Variants in GPC5 observed in about 807,000 individuals in gnomAD.
GPC5 encodes the protein glypican-5.
In GPC5, 47 loss-of-function variants were observed where a neutral mutation model predicts 53.9. That is an observed-to-expected ratio of 0.87 (90% CI 0.69 to 1.11). The LOEUF (loss-of-function observed/expected upper bound fraction) is 1.11. Among genes scored for constraint, GPC5 ranks in the 50% most tolerant of loss-of-function variants. The pLI is 0.00. For missense variants in GPC5, 748 were observed against 713.1 expected, an observed-to-expected ratio of 1.05 and a Z score of -0.56; for synonymous variants, 286 against 263.3, an observed-to-expected ratio of 1.09 and a Z score of -0.84.
At chr13:91,807,489 C>T (rs1331585430) in intron 5 of GPC5, among the ~76,000 whole-genome samples, 1 of 152,144 alleles carries the variant, frequency 6.6e-6, no homozygotes, top group Non-Finnish European at 1.5e-5. Context: ...AATAAGGCAA[C>T]ATTGTCCTTT....
chr13:92,546,230 G>C (rs547827448), intron 7 of GPC5, among the ~76,000 whole-genome samples: 1 of 152,066 alleles, frequency 6.6e-6, no homozygotes, highest in African/African-American at 2.4e-5. Flanking sequence ...CAAATTGTCC[G>C]CATTTGCAGA....
At chr13:92,214,064 A>G (rs2042393413) in intron 7 of GPC5, among the ~76,000 whole-genome samples, 1 of 152,192 alleles carries the variant, frequency 6.6e-6, no homozygotes, top group Admixed American at 6.5e-5. Context: ...AGAAAATCAT[A>G]CATGATTAGA....
intron 7 of GPC5, among the ~76,000 whole-genome samples, chr13:92,667,793 G>A (rs1338192906): frequency 1.3e-5 from 2 of 152,126 alleles, no homozygotes; most frequent in African/African-American, 2.4e-5. Context: ...TTCATGTGTT[G>A]AGCAGGATAT....
intron 2 of GPC5, among the ~76,000 whole-genome samples, chr13:91,623,377 C>T (rs2033914305): frequency 6.6e-6 from 1 of 152,020 alleles, no homozygotes; most frequent in African/African-American, 2.4e-5. Context: ...AGCATGAGAC[C>T]TTCTCGAGAC....
chr13:91,702,801 TC>T (rs1331873344), intron 3 of GPC5, among the ~76,000 whole-genome samples: 17 of 152,068 alleles, frequency 1.1e-4, no homozygotes, highest in African/African-American at 4.1e-4. Context: ...TTCATCCTCT[TC>T]AATTTTTCAT....
intron 6 of GPC5, among the ~76,000 whole-genome samples, chr13:92,033,068 T>TGTGTGC (rs1178119049): frequency 6.6e-6 from 1 of 151,812 alleles, no homozygotes; most frequent in East Asian, 1.9e-4. Context: ...TGTGTGTGTG[T>TGTGTGC]GTGTGTGCTT....
At chr13:92,665,894 T>G (rs1886550504) in intron 7 of GPC5, among the ~76,000 whole-genome samples, 1 of 152,202 alleles carries the variant, frequency 6.6e-6, no homozygotes, top group Non-Finnish European at 1.5e-5. Context: ...ATGGTATAAA[T>G]GAAATATTAG....
intron 2 of GPC5, among the ~76,000 whole-genome samples, chr13:91,471,097 T>G (rs1882595136): frequency 1.3e-5 from 2 of 152,184 alleles, no homozygotes; most frequent in African/African-American, 4.8e-5. Context: ...TGGTTAAAGG[T>G]GCCGGTTATG....
intron 7 of GPC5, among the ~76,000 whole-genome samples, chr13:92,649,165 A>C (rs1195748762): frequency 1.3e-5 from 2 of 152,098 alleles, no homozygotes; most frequent in Admixed American, 6.6e-5. Flanking sequence ...ACAAACATCT[A>C]TTTCCACAAT....
chr13:92,468,195 A>G (rs1878774773), intron 7 of GPC5, among the ~76,000 whole-genome samples: 1 of 152,154 alleles, frequency 6.6e-6, no homozygotes, highest in South Asian at 2.1e-4. Flanking sequence ...TTAAGAATTC[A>G]TCAGACAAGA....
At chr13:91,708,288 T>C (rs2036152233) in intron 3 of GPC5, among the ~76,000 whole-genome samples, 2 of 152,166 alleles carry the variant, frequency 1.3e-5, no homozygotes, top group Admixed American at 1.3e-4. Flanking sequence ...TTTTTTGTTT[T>C]TCCCCTGGGA....
At position 92,756,296 on chromosome 13, in the gene GPC5, A is replaced by T. The variant is rs865905599; in HGVS notation, c.1562-109986A>T. Among the ~76,000 whole-genome samples the T allele has an allele frequency of 5.0e-3, 768 of 152,102 alleles. 2 individuals carry two copies. Among genetic ancestry groups the T allele is most frequent in the Non-Finnish European group, 7.2e-3 (488 of 68,004 alleles). ...AATTCAACAACCCTTCATGCTAAAA[A>T]CTCTCAATAAATTAGGTATTGATGG... On this transcript the variant is annotated intron_variant, in intron 7 of 7. Coordinates refer to ENST00000377067, the MANE Select transcript of GPC5 (RefSeq NM_004466.6).
intron 6 of GPC5, among the ~76,000 whole-genome samples, chr13:92,119,567 A>ATTTT (rs59391576): frequency 5.7e-5 from 4 of 70,612 alleles, no homozygotes; most frequent in South Asian, 7.4e-4. Flanking sequence ...CGCCTGGCTA[A>ATTTT]TTTTTTTTTT....
At chr13:92,203,382 C>T (rs936655290) in intron 7 of GPC5, among the ~76,000 whole-genome samples, 63 of 140,682 alleles carry the variant, frequency 4.5e-4, no homozygotes, top group Middle Eastern at 7.2e-3. Flanking sequence ...TAAACTATCA[C>T]AAGAACAAAA....
intron 7 of GPC5, among the ~76,000 whole-genome samples, chr13:92,566,265 C>T (rs1416030695): frequency 2.6e-5 from 4 of 152,042 alleles, no homozygotes; most frequent in African/African-American, 7.2e-5. Flanking sequence ...TGTTGAATAG[C>T]TATCAATTTA....
intron 1 of GPC5, among the ~76,000 whole-genome samples, chr13:91,416,893 A>T (rs145920545): frequency 0.036 from 5,442 of 152,276 alleles, 145 homozygotes; most frequent in Middle Eastern, 0.068. Flanking sequence ...GCTATTGTGA[A>T]TAGTGCTGCA....
intron 6 of GPC5, among the ~76,000 whole-genome samples, chr13:92,004,827 T>G (rs2040592022): frequency 6.6e-6 from 1 of 152,034 alleles, no homozygotes; most frequent in Non-Finnish European, 1.5e-5. Flanking sequence ...TTAAGAGACT[T>G]ATTCACTAAC....
chr13:91,547,923 A>G (rs189605830), intron 2 of GPC5, among the ~76,000 whole-genome samples: 1 of 152,276 alleles, frequency 6.6e-6, no homozygotes, highest in African/African-American at 2.4e-5. Flanking sequence ...ACATCAATTC[A>G]TGATTAAAAC....
intron 5 of GPC5, among the ~76,000 whole-genome samples, chr13:91,897,447 C>A (rs1056161399): frequency 2.0e-5 from 3 of 151,346 alleles, no homozygotes; most frequent in African/African-American, 7.3e-5. Flanking sequence ...ACTTAAGAAT[C>A]CTAAGTAATT....
Sources: allele counts gnomAD v4.1 joint callset (sites outside exome capture counted in the v4.1 genomes callset), GRCh38; gene constraint gnomAD v4.1.1; transcripts MANE v1.5; gene names NCBI Gene and HGNC (gene_info 2026-07-23, HGNC 2026-07-21).